Variants in MBNL2 observed in about 807,000 individuals in gnomAD.
The protein encoded by MBNL2 is muscleblind like splicing regulator 2, also known as muscleblind-like protein 2.
MBNL2 carries 17 observed loss-of-function variants against 41.9 expected under a neutral mutation model. The observed-to-expected ratio is 0.41, with a 90% CI of 0.28 to 0.61. MBNL2 has a LOEUF of 0.61. Ranked by LOEUF, MBNL2 falls within the 20% of genes least tolerant of loss-of-function variation. The pLI, the probability that MBNL2 is intolerant of heterozygous loss-of-function variation, is 0.35. For missense variants in MBNL2, 336 were observed against 505.6 expected (o/e 0.66, Z 3.22); for synonymous variants, 195 against 182.9 (o/e 1.07, Z -0.53).
the MBNL2 span, among the ~76,000 whole-genome samples, chr13:97,209,038 C>A: frequency 6.6e-6 from 1 of 152,074 alleles, no homozygotes; most frequent in Non-Finnish European, 1.5e-5. Context: ...CGGGGGCAAA[C>A]AAATCAAACT....
upstream of MBNL2, among the ~76,000 whole-genome samples, chr13:97,216,713 C>T (rs1391849682): frequency 6.6e-6 from 1 of 152,108 alleles, no homozygotes; most frequent in African/African-American, 2.4e-5. Context: ...TAATTTTCTC[C>T]TTGACTATAA....
At chr13:97,320,639 C>T (rs568750976) in intron 2 of MBNL2, among the ~76,000 whole-genome samples, 21 of 152,148 alleles carry the variant, frequency 1.4e-4, no homozygotes, top group Admixed American at 7.8e-4. Context: ...TTCGGCCACG[C>T]AGGGTGGCTC....
chr13:97,207,674 G>GC, the MBNL2 span, among the ~76,000 whole-genome samples: 1 of 152,020 alleles, frequency 6.6e-6, no homozygotes, highest in Non-Finnish European at 1.5e-5. Flanking sequence ...TCCACCCCTG[G>GC]CCCCTCCCAA....
At chr13:97,187,111 C>T in the MBNL2 span, among the ~76,000 whole-genome samples, 1 of 152,172 alleles carries the variant, frequency 6.6e-6, no homozygotes, top group African/African-American at 2.4e-5. Flanking sequence ...TCTTTACTAA[C>T]AGATGAGTAC....
chr13:97,218,289 A>G (rs946770108), upstream of MBNL2, among the ~76,000 whole-genome samples: 1 of 152,088 alleles, frequency 6.6e-6, no homozygotes, highest in African/African-American at 2.4e-5. Flanking sequence ...GGGTGCCTGT[A>G]GTCCCAGCTA....
At position 97,259,555 on chromosome 13, in the gene MBNL2, G is replaced by A. The variant is rs111869734; in HGVS notation, c.-604-16077G>A. 3.9e-3 allele frequency among the ~76,000 whole-genome samples: 599 copies of A among 152,282 alleles called. 5 individuals carry two copies. Among genetic ancestry groups the A allele is most frequent in the African/African-American group, 0.013 (560 of 41,552 alleles). ...ATGTCCCCCTTCCCCCGATTCAGAT[G>A]CTCCTTTTAGATCCCACGGCTCAAA... On this transcript the variant is annotated intron_variant, in intron 1 of 8. Transcript: ENST00000679496.
chr13:97,260,893 C>A (rs758249029), intron 1 of MBNL2, among the ~76,000 whole-genome samples: 1 of 152,070 alleles, frequency 6.6e-6, no homozygotes, highest in Non-Finnish European at 1.5e-5. Flanking sequence ...CAGGCATAAA[C>A]CCTTGGATCA....
chr13:97,270,597 T>A (rs553134989), intron 1 of MBNL2, among the ~76,000 whole-genome samples: 1 of 152,324 alleles, frequency 6.6e-6, no homozygotes, highest in South Asian at 2.1e-4. Flanking sequence ...AATAAAAATT[T>A]AAAATTTAGT....
intron 1 of MBNL2, among the ~76,000 whole-genome samples, chr13:97,274,299 G>C (rs1007676786): frequency 6.6e-6 from 1 of 152,144 alleles, no homozygotes; most frequent in Non-Finnish European, 1.5e-5. Context: ...AACCAGCCTG[G>C]TCAACATGGT....
At chr13:97,265,894 C>T (rs2049670132) in intron 1 of MBNL2, among the ~76,000 whole-genome samples, 1 of 151,984 alleles carries the variant, frequency 6.6e-6, no homozygotes, top group Admixed American at 6.6e-5. Context: ...GTTAGAAAAG[C>T]TGGTCTTGTC....
At chr13:97,315,491 G>A (rs1054960574) in intron 2 of MBNL2, among the ~76,000 whole-genome samples, 3 of 152,198 alleles carry the variant, frequency 2.0e-5, no homozygotes, top group African/African-American at 7.2e-5. Flanking sequence ...ATTGATAATG[G>A]TTAATAGCAG....
chr13:97,207,592 C>T, the MBNL2 span, among the ~76,000 whole-genome samples: 2 of 152,150 alleles, frequency 1.3e-5, no homozygotes, highest in Admixed American at 6.5e-5. Context: ...AATTACCTCC[C>T]ACCAGATCCC....
chr13:97,179,289 T>C, the MBNL2 span: 2 of 152,402 alleles, frequency 1.3e-5, no homozygotes, highest in East Asian at 1.9e-4. Flanking sequence ...TCTCTTCTCT[T>C]ATTTGACCAT....
intron 1 of MBNL2, among the ~76,000 whole-genome samples, chr13:97,271,176 A>G (rs536595488): frequency 7.1e-6 from 1 of 141,742 alleles, no homozygotes; most frequent in East Asian, 2.1e-4. Flanking sequence ...GCTGGAGTGC[A>G]GTGGCGCGAG....
chr13:97,363,619 G>C (rs1756639877), intron 7 of MBNL2, among the ~76,000 whole-genome samples: 1 of 152,122 alleles, frequency 6.6e-6, no homozygotes, highest in African/African-American at 2.4e-5. Flanking sequence ...CACAATTTAA[G>C]TGCAAAGGTC....
Position 97,357,618 on chromosome 13 carries a change from C to T in MBNL2, c.995C>T (p.Ala332Val). ...ACCAGCGCACAGTTGCAGCAACACG[C>T]CGCGTTCATTCCAACAGGTATGTGC... ...ALTSAQLQQH[A>V]AFIPTGSVLC... The change falls in exon 7 of 9, where the codon GCC becomes GTC. Residue 332 changes from alanine (A) to valine (V), a missense_variant. Ala to Val is a moderately conservative substitution (Grantham distance 64). Coordinates refer to ENST00000679496, the MANE Select transcript of MBNL2 (RefSeq NM_001382683.1). The T allele has an allele frequency of 6.2e-7, 1 of 1,614,062 alleles. No individual in the cohort carries two copies.
At chr13:97,270,340 GAT>G (rs2050699460) in intron 1 of MBNL2, among the ~76,000 whole-genome samples, 1 of 152,056 alleles carries the variant, frequency 6.6e-6, no homozygotes, top group East Asian at 1.9e-4. Flanking sequence ...ATCTTAATAA[GAT>G]ATTTTCACAT....
At chr13:97,186,521 C>T in the MBNL2 span, among the ~76,000 whole-genome samples, 1 of 152,120 alleles carries the variant, frequency 6.6e-6, no homozygotes, top group East Asian at 1.9e-4. Flanking sequence ...AATTGAGCTA[C>T]CATTATCTTT....
At position 97,392,399 on chromosome 13, in the gene MBNL2, A is replaced by C. The variant is rs536468697; in HGVS notation, c.*950A>C. 1 of 152,716 alleles carries C rather than the reference A, an allele frequency of 6.5e-6. No individual in the cohort carries two copies. The highest frequency in any genetic ancestry group is 2.4e-5 in the African/African-American group (1 of 41,588). The allele number at this position is 152,716 out of a possible 1,614,324, so 9.5% of individuals were successfully genotyped here. On this transcript the variant is annotated 3_prime_UTR_variant, in exon 9 of 9. Transcript: ENST00000679496. ...ATTACTATGTAAACAAAAAGTAGAT[A>C]GTTTCACTTTTTAAAAAATCCATTA...
Sources: allele counts gnomAD v4.1 joint callset (sites outside exome capture counted in the v4.1 genomes callset), GRCh38; gene constraint gnomAD v4.1.1; transcripts MANE v1.5; gene names NCBI Gene and HGNC (gene_info 2026-07-23, HGNC 2026-07-21).